Variants in EYA3 observed in about 807,000 individuals in gnomAD.
EYA3 encodes EYA transcriptional coactivator and phosphatase 3.
EYA3 carries 39 observed loss-of-function variants against 80.0 expected under a neutral mutation model. That is an observed-to-expected ratio of 0.49 (90% CI 0.38 to 0.64). The LOEUF is 0.64. Ranked by LOEUF, EYA3 falls within the 30% of genes least tolerant of loss-of-function variation. The pLI is 0.00. For missense variants in EYA3, 523 were observed against 676.1 expected (o/e 0.77, Z 2.51); for synonymous variants, 206 against 232.8 (o/e 0.88, Z 1.05).
intron 7 of EYA3, among the ~76,000 whole-genome samples, chr1:28,027,012 T>C (rs2148825362): frequency 6.6e-6 from 1 of 152,250 alleles, no homozygotes; most frequent in South Asian, 2.1e-4. Context: ...GTTTTTGAGG[T>C]CCCATACTAA....
intron 3 of EYA3, among the ~76,000 whole-genome samples, chr1:28,046,937 C>T (rs1644029599): frequency 6.6e-6 from 1 of 150,634 alleles, no homozygotes; most frequent in Non-Finnish European, 1.5e-5. Context: ...AACTTCTGGC[C>T]CCTGGGCTCA....
chr1:28,048,468 G>C, intron 2 of EYA3, 42 bp from the exon 3 acceptor site: 1 of 1,520,348 alleles, frequency 6.6e-7, no homozygotes, highest in Non-Finnish European at 9.1e-7. Context: ...TACTTGATCT[G>C]TTTTTTAAAT....
chr1:28,079,198 A>G (rs1211655722), intron 1 of EYA3, among the ~76,000 whole-genome samples: 1 of 152,236 alleles, frequency 6.6e-6, no homozygotes, highest in East Asian at 1.9e-4. Context: ...AAAATAGTAG[A>G]GTATGTCTGC....
chr1:27,993,836 T>C (rs903651444), intron 13 of EYA3, among the ~76,000 whole-genome samples: 4 of 152,300 alleles, frequency 2.6e-5, no homozygotes, highest in Admixed American at 2.0e-4. Flanking sequence ...ATAAGGCATC[T>C]TTTTCACTAA....
intron 7 of EYA3, among the ~76,000 whole-genome samples, chr1:28,026,331 C>T (rs1208543632): frequency 6.6e-6 from 1 of 152,172 alleles, no homozygotes; most frequent in African/African-American, 2.4e-5. Context: ...TAGAGAAATA[C>T]TAGGCCAGGT....
chr1:28,061,976 C>T (rs1344171919), intron 1 of EYA3, among the ~76,000 whole-genome samples: 1 of 152,024 alleles, frequency 6.6e-6, no homozygotes, highest in Non-Finnish European at 1.5e-5. Context: ...TGAGATTCAT[C>T]TTTTAAAATA....
intron 9 of EYA3, among the ~76,000 whole-genome samples, chr1:28,011,678 T>C (rs914644475): frequency 1.3e-5 from 2 of 152,156 alleles, no homozygotes; most frequent in African/African-American, 2.4e-5. Context: ...GGAAACAGTA[T>C]GGGATCAACA....
chr1:28,018,453 G>A (rs1433022018), intron 7 of EYA3, among the ~76,000 whole-genome samples: 1 of 152,040 alleles, frequency 6.6e-6, no homozygotes, highest in African/African-American at 2.4e-5. Context: ...ACTTAGACAT[G>A]GTTCCTACTG....
At chr1:28,038,751 C>A (rs2148854127) in intron 5 of EYA3, 88 bp downstream of exon 5, 1 of 679,304 alleles carries the variant, frequency 1.5e-6, no homozygotes, top group Non-Finnish European at 2.4e-6. Flanking sequence ...ATTTAAATAT[C>A]TATTATTTTA....
chr1:27,985,090 T>G (rs1400848027), intron 16 of EYA3, among the ~76,000 whole-genome samples: 1 of 152,152 alleles, frequency 6.6e-6, no homozygotes, highest in Non-Finnish European at 1.5e-5. Flanking sequence ...TCTCAAGTCT[T>G]TTTTTGAGAC....
At chr1:28,070,727 G>C (rs562620427) in intron 1 of EYA3, among the ~76,000 whole-genome samples, 1 of 152,218 alleles carries the variant, frequency 6.6e-6, no homozygotes, top group Non-Finnish European at 1.5e-5. Flanking sequence ...TAATTCCAAA[G>C]TTAGCATTCT....
intron 1 of EYA3, among the ~76,000 whole-genome samples, chr1:28,080,660 G>GA (rs765839496): frequency 1.8e-3 from 208 of 115,480 alleles, no homozygotes; most frequent in African/African-American, 2.1e-3. Flanking sequence ...CACTTTATCA[G>GA]AAAAAAAAAA....
chr1:28,051,126 GC>G (rs1205032733), intron 2 of EYA3, among the ~76,000 whole-genome samples: 1 of 152,152 alleles, frequency 6.6e-6, no homozygotes, highest in African/African-American at 2.4e-5. Context: ...AATACAAGCT[GC>G]CAGGAAGTAA....
intron 14 of EYA3, among the ~76,000 whole-genome samples, chr1:27,991,483 A>C (rs1640059358): frequency 6.6e-6 from 1 of 152,236 alleles, no homozygotes. Flanking sequence ...TTCAGTTAAA[A>C]TATTCAAGCA....
intron 10 of EYA3, among the ~76,000 whole-genome samples, chr1:28,007,548 C>T (rs1056065121): frequency 7.9e-5 from 12 of 151,158 alleles, no homozygotes; most frequent in African/African-American, 2.4e-4. Flanking sequence ...TTGGTCAGGC[C>T]GGTCTTGAAC....
intron 14 of EYA3, among the ~76,000 whole-genome samples, chr1:27,991,765 T>C (rs527669525): frequency 6.6e-6 from 1 of 151,384 alleles, no homozygotes; most frequent in African/African-American, 2.5e-5. Context: ...GTACAAAACA[T>C]ACAGCTGGCC....
At chr1:28,079,072 AT>A (rs1188755685) in intron 1 of EYA3, among the ~76,000 whole-genome samples, 2 of 152,004 alleles carry the variant, frequency 1.3e-5, no homozygotes, top group African/African-American at 4.8e-5. Context: ...TACCATTCTC[AT>A]TTTTTTTCCC....
chr1:28,075,701 CT>C (rs1481915831), intron 1 of EYA3, among the ~76,000 whole-genome samples: 1 of 152,170 alleles, frequency 6.6e-6, no homozygotes, highest in African/African-American at 2.4e-5. Flanking sequence ...TCACAGATTG[CT>C]GCCATTGATA....
chr1:28,079,263 C>A (rs1027130085), intron 1 of EYA3, among the ~76,000 whole-genome samples: 1 of 152,216 alleles, frequency 6.6e-6, no homozygotes, highest in African/African-American at 2.4e-5. Flanking sequence ...GATATTTCTA[C>A]GCCCTTTCCC....
Sources: gnomAD v4.1 joint callset for allele counts (sites outside exome capture counted in the v4.1 genomes callset) on GRCh38, gnomAD v4.1.1 for gene constraint, MANE v1.5 for transcripts, NCBI Gene and HGNC (gene_info 2026-07-23, HGNC 2026-07-21) for gene names.